The following SH3PXD2B variants were observed in gnomAD, a reference collection of about 807,000 sequenced individuals.
The protein encoded by SH3PXD2B is SH3 and PX domain-containing protein 2B.
Under a neutral mutation model 73.1 loss-of-function variants are expected in SH3PXD2B, and 37 were observed. The observed-to-expected ratio is 0.51, with a 90% CI of 0.39 to 0.67. SH3PXD2B has a LOEUF of 0.67. Among genes scored for constraint, SH3PXD2B ranks in the 30% least tolerant of loss-of-function variants. SH3PXD2B has a pLI of 0.00. For missense variants in SH3PXD2B, 1,053 were observed against 1,197.8 expected, an observed-to-expected ratio of 0.88 and a Z score of 1.78; for synonymous variants, 457 against 480.5, an observed-to-expected ratio of 0.95 and a Z score of 0.64.
chr5:172,373,180 G>T (rs1757744223), intron 6 of SH3PXD2B, among the ~76,000 whole-genome samples: 1 of 152,222 alleles, frequency 6.6e-6, no homozygotes, highest in Admixed American at 6.5e-5. Flanking sequence ...AAGGGCTGGG[G>T]TCTGGCGCCA....
intron 8 of SH3PXD2B, among the ~76,000 whole-genome samples, chr5:172,357,665 C>A (rs187259600): frequency 6.6e-6 from 1 of 152,112 alleles, no homozygotes; most frequent in Non-Finnish European, 1.5e-5. Context: ...CATCACGACC[C>A]CTTAATCTGA....
intron 4 of SH3PXD2B, among the ~76,000 whole-genome samples, chr5:172,388,271 C>A (rs918453202): frequency 6.6e-6 from 1 of 152,108 alleles, no homozygotes; most frequent in African/African-American, 2.4e-5. Context: ...TATTAGAGAC[C>A]TTCATTTTCT....
intron 8 of SH3PXD2B, among the ~76,000 whole-genome samples, chr5:172,358,075 G>A (rs1446718745): frequency 1.3e-5 from 2 of 152,206 alleles, no homozygotes; most frequent in Non-Finnish European, 2.9e-5. Context: ...AGAGGCTGAG[G>A]CTTAGAGAGG....
At position 172,416,856 on chromosome 5, in the gene SH3PXD2B, G is replaced by A. The variant is rs147982190; in HGVS notation, c.156+5560C>T. On this transcript the variant is annotated intron_variant, in intron 2 of 12. Coordinates refer to ENST00000311601, the MANE Select transcript of SH3PXD2B (RefSeq NM_001017995.3). ...CCCAAGTAGCCTGGGCTACAGGTGCGCACCGTCACACCTGGCTAATTTCTA... is the reference window on the plus strand; with the variant it reads ...CCCAAGTAGCCTGGGCTACAGGTGCACACCGTCACACCTGGCTAATTTCTA... 3.0e-3 allele frequency among the ~76,000 whole-genome samples: 459 copies of A among 151,882 alleles called. 4 individuals are homozygous for A. The highest frequency in any genetic ancestry group is 0.01 in the African/African-American group (424 of 41,438).
In SH3PXD2B at chr5:172,454,258, G is replaced by A; in HGVS notation, c.75+20C>T. ...ACGGGGCGCGGGCTCAAGGGGGCGT[G>A]GGGGCCGCGCCGCACTCACATAATG... On this transcript the variant is annotated intron_variant, in intron 1 of 12. Coordinates refer to ENST00000311601, the MANE Select transcript of SH3PXD2B (RefSeq NM_001017995.3). The A allele has an allele frequency of 4.4e-6, 7 of 1,589,226 alleles. No individual in the cohort carries two copies. Among genetic ancestry groups the A allele is most frequent in the Non-Finnish European group, 6.0e-6 (7 of 1,170,802 alleles).
intron 1 of SH3PXD2B, among the ~76,000 whole-genome samples, chr5:172,439,293 C>CAAAAAAAAAAAAAAAAA (rs1233319484): frequency 6.5e-5 from 4 of 61,620 alleles, no homozygotes; most frequent in African/African-American, 2.5e-4. Flanking sequence ...AAAAAAAAAC[C>CAAAAAAAAAAAAAAAAA]CCAAAAAAAA....
intron 8 of SH3PXD2B, among the ~76,000 whole-genome samples, chr5:172,357,118 C>CAA (rs59461760): frequency 0.047 from 2,773 of 58,500 alleles, 118 homozygotes; most frequent in South Asian, 0.15. Flanking sequence ...GACCCCATCT[C>CAA]AAAAAAAAAA....
chr5:172,401,041 C>G (rs997096686), intron 3 of SH3PXD2B, among the ~76,000 whole-genome samples: 1 of 152,190 alleles, frequency 6.6e-6, no homozygotes, highest in Non-Finnish European at 1.5e-5. Context: ...TCTATTCAAA[C>G]GGCTCATTTT....
intron 12 of SH3PXD2B, among the ~76,000 whole-genome samples, 195 bp from the exon 13 acceptor site, chr5:172,340,111 C>T (rs1010725860): frequency 6.6e-6 from 1 of 152,214 alleles, no homozygotes; most frequent in African/African-American, 2.4e-5. Flanking sequence ...GGGGGAGAGT[C>T]TTGTCGTATG....
chr5:172,328,397 C>A (rs183401308), intron 12 of SH3PXD2B, among the ~76,000 whole-genome samples: 1 of 152,266 alleles, frequency 6.6e-6, no homozygotes, highest in East Asian at 1.9e-4. Context: ...AGCCACCGCA[C>A]CCAGCCGCCT....
Position 172,349,093 on chromosome 5 carries a change from C to T in SH3PXD2B, c.1012+1270G>A, listed in dbSNP as rs533970235. On this transcript the variant is annotated intron_variant, in intron 10 of 12. Transcript: ENST00000311601. ...GAGTTAATGGGAATACATCTAACCT[C>T]TTGGCCATGATTGACAGATTAGAAT... 2.6e-4 allele frequency among the ~76,000 whole-genome samples: 40 copies of T among 152,336 alleles called. 1 individual carries two copies. The highest frequency in any genetic ancestry group is 2.2e-3 in the Admixed American group (34 of 15,298).
intron 2 of SH3PXD2B, among the ~76,000 whole-genome samples, chr5:172,416,065 G>A (rs1019266578): frequency 6.6e-6 from 1 of 152,118 alleles, no homozygotes; most frequent in Non-Finnish European, 1.5e-5. Context: ...CGGTGGCTCA[G>A]GCCTGTAATC....
In SH3PXD2B at chr5:172,334,140, G is replaced by A; in HGVS notation, c.*4229C>T. The A allele has an allele frequency of 2.7e-6, 3 of 1,118,044 alleles. No homozygotes were observed. The highest frequency in any genetic ancestry group is 3.3e-6 in the Non-Finnish European group (3 of 911,372). The allele number at this position is 1,118,044 out of a possible 1,614,324, so 69.3% of individuals were successfully genotyped here. A position where few individuals can be genotyped will look rare whatever the true frequency, so the allele number is the denominator to read the frequency against. ...ACTTTGGAGTCGAGGATAGAAACGG[G>A]AAGATGGAATGTTGAAACATGAGGA... On this transcript the variant is annotated 3_prime_UTR_variant, in exon 13 of 13. Coordinates refer to ENST00000311601, the MANE Select transcript of SH3PXD2B (RefSeq NM_001017995.3).
chr5:172,403,306 C>A (rs1031019603), intron 3 of SH3PXD2B, among the ~76,000 whole-genome samples: 1 of 152,256 alleles, frequency 6.6e-6, no homozygotes. Context: ...TCCCCTCCCC[C>A]GCCTTTGTGC....
intron 1 of SH3PXD2B, among the ~76,000 whole-genome samples, chr5:172,432,843 C>T (rs1054134218): frequency 7.7e-6 from 1 of 130,368 alleles, no homozygotes; most frequent in Non-Finnish European, 1.5e-5. Context: ...ATCTGCGAGG[C>T]GGAGATTGTA....
chr5:172,448,038 CA>C (rs1759712364), intron 1 of SH3PXD2B, among the ~76,000 whole-genome samples: 1 of 152,206 alleles, frequency 6.6e-6, no homozygotes, highest in Non-Finnish European at 1.5e-5. Context: ...CCAAAGAAAG[CA>C]ATAGTCGTTA....
At position 172,439,682 on chromosome 5, in the gene SH3PXD2B, G is replaced by GCGCACA. The variant is rs1472575427; in HGVS notation, c.75+14595_75+14596insTGTGCG. 9.1e-3 allele frequency among the ~76,000 whole-genome samples: 995 copies of GCGCACA among 109,506 alleles called. 13 individuals are homozygous for GCGCACA. Among genetic ancestry groups the GCGCACA allele is most frequent in the African/African-American group, 0.035 (943 of 27,254 alleles). The allele number at this position is 109,506 out of a possible 152,430, so 71.8% of individuals were successfully genotyped here. A position where few individuals can be genotyped will look rare whatever the true frequency, so the allele number is the denominator to read the frequency against. Reference sequence around the variant, plus strand: ...CAGGTATGTGTGTGCGTGCGTGCGCGCACGCGCGCGCACACACACACACAC... The same window carrying GCGCACA: ...CAGGTATGTGTGTGCGTGCGTGCGCGCGCACACACGCGCGCGCACACACACACACAC... On this transcript the variant is annotated intron_variant, in intron 1 of 12. Coordinates refer to ENST00000311601, the MANE Select transcript of SH3PXD2B (RefSeq NM_001017995.3).
intron 4 of SH3PXD2B, among the ~76,000 whole-genome samples, chr5:172,390,777 AAACTGCCAAACTGTCT>A (rs1236141717): frequency 1.3e-5 from 2 of 151,444 alleles, no homozygotes; most frequent in African/African-American, 4.9e-5. Context: ...ACTTTTGAGG[AAACTGCCAAACTGTCT>A]TCCAAAGTAG....
rs1443245488 is a variant in SH3PXD2B, at chr5:172,353,040, T to C, written c.785+848A>G. Among the ~76,000 whole-genome samples the C allele has an allele frequency of 6.6e-6, 1 of 152,122 alleles. No individual in the cohort carries two copies. Among genetic ancestry groups the C allele is most frequent in the Non-Finnish European group, 1.5e-5 (1 of 68,030 alleles). ...TGGCCAACCCTCTGCTCTATCACCG[T>C]TTATGAGTTTGTCTTCTGTACCAGG... On this transcript the variant is annotated intron_variant, in intron 9 of 12. Transcript: ENST00000311601. The surrounding 1 kb of genome is among the most constrained non-coding windows in gnomAD (Gnocchi z 4.3).
Sources: allele counts gnomAD v4.1 joint callset (sites outside exome capture counted in the v4.1 genomes callset), GRCh38; gene constraint gnomAD v4.1.1; non-coding constraint Gnocchi (gnomAD v3.1); transcripts MANE v1.5; gene names NCBI Gene and HGNC (gene_info 2026-07-23, HGNC 2026-07-21).